The following KLF8 variants were observed in gnomAD, a reference collection of about 807,000 sequenced individuals.
KLF8 encodes KLF transcription factor 8, also known as Krueppel-like factor 8.
In KLF8, 10 loss-of-function variants were observed where a neutral mutation model predicts 18.2. The observed-to-expected ratio is 0.55, with a 90% CI of 0.34 to 0.93. The LOEUF is 0.93. KLF8 is among the 40% of genes least tolerant of loss of function. The pLI, the probability that KLF8 is intolerant of heterozygous loss-of-function variation, is 0.02. For synonymous variants in KLF8, 109 were observed against 97.3 expected (o/e 1.12, Z -0.71); for missense variants, 264 against 277.9 (o/e 0.95, Z 0.36).
At chrX:56,140,732 C>T in the KLF8 span, among the ~76,000 whole-genome samples, 10 of 100,900 alleles carry the variant, frequency 9.9e-5, no homozygotes, top group African/African-American at 3.3e-4. Flanking sequence ...ATGAAACCTG[C>T]ACAAGTACTA....
At chrX:56,251,441 G>T (rs1270454942) in intron 2 of KLF8, among the ~76,000 whole-genome samples, 2 of 110,493 alleles carry the variant, frequency 1.8e-5, no homozygotes, top group East Asian at 2.8e-4. Flanking sequence ...TTTATTTTTT[G>T]AATTTTTATA....
the KLF8 span, among the ~76,000 whole-genome samples, chrX:56,060,427 C>T: frequency 8.9e-6 from 1 of 111,900 alleles, no homozygotes; most frequent in African/African-American, 3.2e-5. Context: ...GCCTTTTCTG[C>T]ATCTATTGAG....
the KLF8 span, among the ~76,000 whole-genome samples, chrX:55,938,057 C>G: frequency 9.0e-6 from 1 of 110,883 alleles, no homozygotes; most frequent in African/African-American, 3.3e-5. Context: ...AGAGCAACTC[C>G]AAGACACATA....
the KLF8 span, among the ~76,000 whole-genome samples, chrX:56,092,499 A>G: frequency 9.0e-6 from 1 of 111,198 alleles, no homozygotes; most frequent in Non-Finnish European, 1.9e-5. Flanking sequence ...TTTCATTGTT[A>G]TGCATGTGAC....
At chrX:56,243,338 G>A in intron 1 of KLF8, 2 of 323,645 alleles carry the variant, frequency 6.2e-6, no homozygotes, top group South Asian at 3.6e-5. Context: ...CTGTCTTCTT[G>A]GCCTTCAAAG....
chrX:56,138,550 G>C, the KLF8 span, among the ~76,000 whole-genome samples: 1 of 110,805 alleles, frequency 9.0e-6, no homozygotes, highest in Non-Finnish European at 1.9e-5. Flanking sequence ...CACATCAATG[G>C]AACTAAAAAC....
At position 56,289,246 on chromosome X, in the gene KLF8, GAC is replaced by G. The variant is rs1042412882; in HGVS notation, c.*4757_*4758del. On this transcript the variant is annotated 3_prime_UTR_variant, in exon 6 of 6. Coordinates refer to ENST00000468660, the MANE Select transcript of KLF8 (RefSeq NM_007250.5). ...TTTTGGGTGATTCTCAAGTTCTTTT[GAC>G]ACACCCCCATCATTTTTTTTTAGCA... Among the ~76,000 whole-genome samples the G allele has an allele frequency of 2.7e-5, 3 of 110,751 alleles. No homozygotes were observed. Among genetic ancestry groups the G allele is most frequent in the Non-Finnish European group, 5.7e-5 (3 of 52,948 alleles).
chrX:56,164,109 A>ATTTT, the KLF8 span, among the ~76,000 whole-genome samples: 1 of 107,840 alleles, frequency 9.3e-6, no homozygotes, highest in African/African-American at 3.4e-5. Flanking sequence ...TTTATTTTTT[A>ATTTT]TTTTTTTTTT....
At chrX:56,276,185 G>T (rs903367335) in intron 5 of KLF8, among the ~76,000 whole-genome samples, 14 of 104,253 alleles carry the variant, frequency 1.3e-4, no homozygotes, top group Non-Finnish European at 1.2e-4. Flanking sequence ...CTGTTGCCCA[G>T]GCTGTAGTGC....
At chrX:56,171,337 G>A in the KLF8 span, among the ~76,000 whole-genome samples, 3 of 111,930 alleles carry the variant, frequency 2.7e-5, no homozygotes, top group South Asian at 1.1e-3. Flanking sequence ...TGAAAACAGT[G>A]TTAAGTAGTT....
At chrX:56,012,109 C>T in the KLF8 span, among the ~76,000 whole-genome samples, 1 of 111,830 alleles carries the variant, frequency 8.9e-6, no homozygotes, top group Admixed American at 9.5e-5. Flanking sequence ...TTAATGAGGC[C>T]AGCATCATCC....
At chrX:56,184,032 G>A in the KLF8 span, among the ~76,000 whole-genome samples, 109 of 112,059 alleles carry the variant, frequency 9.7e-4, no homozygotes, top group African/African-American at 3.4e-3. Flanking sequence ...AGGACAGTGG[G>A]TGCAGTGCAC....
the KLF8 span, among the ~76,000 whole-genome samples, chrX:55,999,749 A>C: frequency 1.8e-5 from 2 of 110,744 alleles, no homozygotes; most frequent in Admixed American, 1.9e-4. Context: ...AGTCTTCTGG[A>C]GGAGTCTTTT....
At chrX:56,036,282 TA>T in the KLF8 span, among the ~76,000 whole-genome samples, 3 of 111,644 alleles carry the variant, frequency 2.7e-5, no homozygotes, top group Admixed American at 2.9e-4. Context: ...ATTTTCTCTA[TA>T]TTTTCTACTA....
chrX:55,943,910 T>C, the KLF8 span, among the ~76,000 whole-genome samples: 1 of 111,938 alleles, frequency 8.9e-6, no homozygotes, highest in Non-Finnish European at 1.9e-5. Flanking sequence ...TGAACCCTGA[T>C]GTTTGCAGAT....
At chrX:56,280,928 C>T (rs1255342330) in intron 5 of KLF8, among the ~76,000 whole-genome samples, 1 of 111,993 alleles carries the variant, frequency 8.9e-6, no homozygotes, top group African/African-American at 3.2e-5. Context: ...CAGTAGGCTC[C>T]TAGTCATTGT....
At chrX:56,114,145 T>G in the KLF8 span, among the ~76,000 whole-genome samples, 2 of 112,123 alleles carry the variant, frequency 1.8e-5, no homozygotes, top group African/African-American at 6.5e-5. Flanking sequence ...CTGTCCATGA[T>G]TGGTCACAGC....
the KLF8 span, among the ~76,000 whole-genome samples, chrX:56,012,208 A>G: frequency 0.023 from 2,594 of 111,862 alleles, 94 homozygotes; most frequent in African/African-American, 0.08. Flanking sequence ...TTTTCAGTAA[A>G]CTTTCAATAA....
chrX:56,269,609 C>T (rs1440344546), intron 4 of KLF8, 120 bp downstream of exon 4: 3 of 1,014,311 alleles, frequency 3.0e-6, no homozygotes, highest in Non-Finnish European at 2.5e-6. Flanking sequence ...AATTTGAGGA[C>T]AAGAAATATA....
Sources: gnomAD v4.1 joint callset for allele counts (sites outside exome capture counted in the v4.1 genomes callset) on GRCh38, gnomAD v4.1.1 for gene constraint, MANE v1.5 for transcripts, NCBI Gene and HGNC (gene_info 2026-07-23, HGNC 2026-07-21) for gene names.